The following DOCK4 variants were observed in gnomAD, a reference collection of about 807,000 sequenced individuals.
The protein encoded by DOCK4 is dedicator of cytokinesis protein 4.
DOCK4 carries 97 observed loss-of-function variants against 268.1 expected under a neutral mutation model. The observed-to-expected ratio is 0.36, with a 90% confidence interval of 0.31 to 0.43. DOCK4 has a LOEUF of 0.43. DOCK4 is among the 20% of genes least tolerant of loss of function. The probability of loss-of-function intolerance (pLI) is 1.00; values close to 1 mark genes in which losing one functional copy is unlikely to be tolerated. For missense variants in DOCK4, 2,145 were observed against 2,455.7 expected (o/e 0.87, Z 2.67); for synonymous variants, 954 against 887.2 (o/e 1.08, Z -1.34).
chr7:112,204,499 A>G (rs1821206795), intron 1 of DOCK4, among the ~76,000 whole-genome samples: 1 of 152,212 alleles, frequency 6.6e-6, no homozygotes, highest in Non-Finnish European at 1.5e-5. Context: ...AAGAGTGAGG[A>G]GAACGAAAAT....
chr7:111,984,051 G>A (rs1469893984), intron 7 of DOCK4, among the ~76,000 whole-genome samples: 1 of 152,118 alleles, frequency 6.6e-6, no homozygotes, highest in East Asian at 1.9e-4. Context: ...ATTTGCAAAA[G>A]AACTGAAAAC....
chr7:111,918,796 T>G (rs750635322), intron 12 of DOCK4, among the ~76,000 whole-genome samples: 2 of 152,218 alleles, frequency 1.3e-5, no homozygotes, highest in Non-Finnish European at 2.9e-5. Context: ...GGGAAAACAC[T>G]GTTCAAATCC....
intron 12 of DOCK4, among the ~76,000 whole-genome samples, chr7:111,933,204 G>T (rs551598674): frequency 8.3e-6 from 1 of 120,182 alleles, no homozygotes; most frequent in Non-Finnish European, 1.7e-5. Flanking sequence ...ACATATATAC[G>T]TATATACACA....
At chr7:112,167,144 T>C (rs558953429) in intron 1 of DOCK4, among the ~76,000 whole-genome samples, 21 of 152,350 alleles carry the variant, frequency 1.4e-4, no homozygotes, top group Non-Finnish European at 2.4e-4. Context: ...TGTCCCAGCA[T>C]CTCAATTAAG....
At chr7:111,994,104 G>A (rs756499858) in intron 5 of DOCK4, 31 bp downstream of exon 5, 23 of 1,427,908 alleles carry the variant, frequency 1.6e-5, no homozygotes, top group African/African-American at 1.4e-4. Context: ...TTCTTTACCC[G>A]AAAAATCGTG....
chr7:112,194,378 A>G (rs1319290559), intron 1 of DOCK4, among the ~76,000 whole-genome samples: 2 of 152,232 alleles, frequency 1.3e-5, no homozygotes, highest in Admixed American at 1.3e-4. Context: ...TCAACAAATT[A>G]AAAGAGCAAT....
chr7:111,808,588 G>A (rs1438308886), intron 30 of DOCK4: 7 of 440,930 alleles, frequency 1.6e-5, no homozygotes, highest in Middle Eastern at 6.0e-4. Flanking sequence ...AAAATTTATC[G>A]TTAATTAATA....
chr7:111,998,451 T>C lies in DOCK4; in HGVS notation c.215A>G (p.Lys72Arg), dbSNP rs368125182. Residue 72 changes from lysine (K) to arginine (R), a missense_variant, in exon 4 of 53, where the codon AAA (lysine) becomes AGA (arginine). Physicochemically the swap from Lys to Arg is conservative, Grantham distance 26 (BLOSUM62 2). Coordinates refer to ENST00000428084, the MANE Select transcript of DOCK4 (RefSeq NM_001363540.2). Reference protein sequence around the residue: ...VHLKNACVKNKGQFEMVIPTE... With the variant: ...VHLKNACVKNRGQFEMVIPTE... ...ACTAATAAAACTCATTTCTTACCCT[T>C]TGTTCTTTACACAGGCATTTTTCAA... 3.8e-6 allele frequency: 6 copies of C among 1,581,644 alleles called. No homozygotes were observed. Among genetic ancestry groups the C allele is most frequent in the Non-Finnish European group, 4.3e-6 (5 of 1,161,390 alleles).
Position 111,742,087 on chromosome 7 carries a change from G to T in DOCK4, c.4723C>A (p.Pro1575Thr). 8 of 1,603,798 alleles carry T rather than the reference G, an allele frequency of 5.0e-6. No homozygotes were observed. Among genetic ancestry groups the T allele is most frequent in the Non-Finnish European group, 6.8e-6 (8 of 1,176,414 alleles). The change falls in exon 45 of 53, where the codon CCT (proline) becomes ACT (threonine). Residue 1575 changes from proline (P) to threonine (T), a missense_variant. Physicochemically the swap from Pro to Thr is conservative, Grantham distance 38. Coordinates refer to ENST00000428084, the MANE Select transcript of DOCK4 (RefSeq NM_001363540.2). ...FGLAVHEKFV[P>T]QDMRPLHKKL... is the part of the protein sequence containing the mutation. ...TTGTGAAGGGGTCTCATATCTTGAG[G>T]TACAAACTTCTCATGCACGGCCAAA... is the stretch of plus-strand genomic sequence containing the variant.
In DOCK4 at chr7:112,105,284, GT is replaced by G. The variant is rs1358193016; in HGVS notation, c.37+100817del. On this transcript the variant is annotated intron_variant, in intron 1 of 52. Coordinates refer to ENST00000428084, the MANE Select transcript of DOCK4 (RefSeq NM_001363540.2). The stretch of plus-strand genomic sequence containing the variant: ...ATTGCAATAAAGAACATAGGAATAT[GT>G]TTAGGGAAAGAAATTTAAAAATCGA... Among the ~76,000 whole-genome samples the G allele has an allele frequency of 3.3e-5, 5 of 152,190 alleles. No homozygotes were observed. In the East Asian group the frequency reaches 9.6e-4, roughly 29 times the overall value.
intron 49 of DOCK4, among the ~76,000 whole-genome samples, chr7:111,738,150 A>C (rs374382440): frequency 5.6e-4 from 85 of 152,264 alleles, no homozygotes; most frequent in Admixed American, 4.4e-3. Context: ...CAACTTTGAA[A>C]CCACCCTTCA....
intron 1 of DOCK4, among the ~76,000 whole-genome samples, chr7:112,143,431 C>T (rs1027172148): frequency 6.6e-5 from 10 of 152,042 alleles, no homozygotes; most frequent in African/African-American, 1.9e-4. Context: ...GACAAGCAGA[C>T]GTCATTTAAA....
chr7:111,795,289 T>A (rs1287327782), intron 30 of DOCK4, among the ~76,000 whole-genome samples: 1 of 149,664 alleles, frequency 6.7e-6, no homozygotes, highest in South Asian at 2.1e-4. Context: ...ACATAAGGAC[T>A]TCTCTAAACA....
intron 16 of DOCK4, among the ~76,000 whole-genome samples, chr7:111,888,264 G>C (rs1429211247): frequency 6.8e-6 from 1 of 147,980 alleles, no homozygotes; most frequent in Non-Finnish European, 1.5e-5. Flanking sequence ...TAGGGCTGGG[G>C]ATAGGAGAGG....
At chr7:111,744,919 C>T (rs1343136510) in intron 44 of DOCK4, among the ~76,000 whole-genome samples, 1 of 152,206 alleles carries the variant, frequency 6.6e-6, no homozygotes, top group Admixed American at 6.5e-5. Context: ...CCAGACACGA[C>T]CTCATTTTCT....
chr7:112,184,570 T>C lies in DOCK4; in HGVS notation c.37+21532A>G, dbSNP rs946353633. ...AAAGGTACAAGCTACTAACCTCCTT[T>C]TGACTGCTTCCAAGCAGGATGGCAC... On this transcript the variant is annotated intron_variant, in intron 1 of 52. Coordinates refer to ENST00000428084, the MANE Select transcript of DOCK4 (RefSeq NM_001363540.2). 2.0e-5 allele frequency among the ~76,000 whole-genome samples: 3 copies of C among 152,252 alleles called. No individual in the cohort carries two copies. The East Asian group carries it at 5.8e-4, about 29-fold the overall frequency.
rs534575620 is a variant in DOCK4 at position 111,828,135 on chromosome 7, G to GA, written c.2836-5680dup. Among the ~76,000 whole-genome samples the GA allele has an allele frequency of 4.7e-3, 716 of 152,036 alleles. 8 individuals are homozygous for GA. The highest frequency in any genetic ancestry group is 0.017 in the African/African-American group (687 of 41,466). The stretch of plus-strand genomic sequence containing the variant: ...AAAACATTACTGACAACAGAAGGAG[G>GA]AAAAAAATCTTGATCACTACCTAGT... On this transcript the variant is annotated intron_variant, in intron 26 of 52. Coordinates refer to ENST00000428084, the MANE Select transcript of DOCK4 (RefSeq NM_001363540.2).
chr7:111,758,388 C>G (rs1045246739), intron 41 of DOCK4, among the ~76,000 whole-genome samples: 2 of 152,152 alleles, frequency 1.3e-5, no homozygotes, highest in Non-Finnish European at 2.9e-5. Context: ...GGACCTCCTC[C>G]CAGACCAACT....
At chr7:112,188,230 T>A (rs1819633240) in intron 1 of DOCK4, among the ~76,000 whole-genome samples, 1 of 152,246 alleles carries the variant, frequency 6.6e-6, no homozygotes, top group Non-Finnish European at 1.5e-5. Flanking sequence ...CTTCAGTTAC[T>A]TGAACACAAA....
Sources: allele counts gnomAD v4.1 joint callset (sites outside exome capture counted in the v4.1 genomes callset), GRCh38; gene constraint gnomAD v4.1.1; transcripts MANE v1.5; gene names NCBI Gene and HGNC (gene_info 2026-07-23, HGNC 2026-07-21).